DMD: variants seen among roughly 807,000 people sequenced by gnomAD.
The protein encoded by DMD is dystrophin.
In DMD, 63 loss-of-function variants were observed where a neutral mutation model predicts 330.1. The ratio of observed to expected loss-of-function variants is 0.19; its 90% CI spans 0.16 to 0.24. DMD has a LOEUF of 0.24. Ranked by LOEUF, DMD falls within the 10% of genes least tolerant of loss-of-function variation. The pLI is 1.00. For missense variants in DMD, 3,344 were observed against 2,684.1 expected (o/e 1.25, Z -5.43); for synonymous variants, 1,223 against 959.8 (o/e 1.27, Z -5.07).
intron 74 of DMD, among the ~76,000 whole-genome samples, chrX:31,156,584 C>G (rs1339517486): frequency 9.0e-6 from 1 of 111,512 alleles, no homozygotes. Flanking sequence ...GACTTAAGCA[C>G]TAATTCAGTT....
intron 43 of DMD, among the ~76,000 whole-genome samples, chrX:32,219,321 A>C (rs2097124434): frequency 8.9e-6 from 1 of 111,951 alleles, no homozygotes; most frequent in Non-Finnish European, 1.9e-5. Context: ...TTTAAAAATG[A>C]ATTGCACATT....
chrX:32,924,722 C>T (rs1160964862), intron 2 of DMD, among the ~76,000 whole-genome samples: 4 of 111,045 alleles, frequency 3.6e-5, no homozygotes, highest in African/African-American at 1.3e-4. Context: ...AAACAGTTTA[C>T]ATTACAAACT....
At chrX:33,024,093 T>C (rs1569550240) in intron 1 of DMD, among the ~76,000 whole-genome samples, 1 of 112,004 alleles carries the variant, frequency 8.9e-6, no homozygotes, top group Non-Finnish European at 1.9e-5. Flanking sequence ...TACATACACA[T>C]CACACATATA....
intron 30 of DMD, among the ~76,000 whole-genome samples, chrX:32,396,754 G>A (rs747695971): frequency 9.0e-6 from 1 of 111,084 alleles, no homozygotes; most frequent in East Asian, 2.8e-4. Flanking sequence ...ATTCTACTAT[G>A]GGTAAGCTGT....
At chrX:32,153,031 G>A (rs920037444) in intron 44 of DMD, among the ~76,000 whole-genome samples, 1 of 111,613 alleles carries the variant, frequency 9.0e-6, no homozygotes. Context: ...GAAAGTTAAC[G>A]TTCACTCTCA....
intron 1 of DMD, among the ~76,000 whole-genome samples, chrX:33,073,709 G>A (rs968193142): frequency 1.8e-5 from 2 of 110,067 alleles, no homozygotes; most frequent in Non-Finnish European, 3.8e-5. Context: ...GCGGGTGCCC[G>A]TAATCCTAGC....
chrX:32,470,033 A>G (rs764605044), intron 22 of DMD, among the ~76,000 whole-genome samples: 1 of 111,881 alleles, frequency 8.9e-6, no homozygotes, highest in Admixed American at 9.6e-5. Flanking sequence ...TTCCAGCAGT[A>G]AGAGACAATT....
intron 44 of DMD, among the ~76,000 whole-genome samples, chrX:32,083,386 T>G (rs892313928): frequency 1.8e-5 from 2 of 109,989 alleles, no homozygotes; most frequent in African/African-American, 6.7e-5. Flanking sequence ...GCCTCCCGAG[T>G]AGCTGGGACT....
intron 7 of DMD, among the ~76,000 whole-genome samples, chrX:32,808,156 A>G (rs940240164): frequency 9.0e-6 from 1 of 111,644 alleles, no homozygotes; most frequent in Admixed American, 9.5e-5. Context: ...TTTCTCCCTT[A>G]GAGCTAAAAA....
chrX:32,997,968 C>T (rs1243495644), intron 2 of DMD, among the ~76,000 whole-genome samples: 1 of 111,475 alleles, frequency 9.0e-6, no homozygotes, highest in Non-Finnish European at 1.9e-5. Flanking sequence ...TTCATTTTTC[C>T]TTATATATCT....
intron 7 of DMD, among the ~76,000 whole-genome samples, chrX:32,768,637 T>C (rs2073267052): frequency 8.9e-6 from 1 of 112,217 alleles, no homozygotes; most frequent in Non-Finnish European, 1.9e-5. Context: ...CTGACATTCC[T>C]TCATTTTAGA....
At chrX:31,794,835 G>A (rs575935782) in intron 50 of DMD, among the ~76,000 whole-genome samples, 123 of 110,847 alleles carry the variant, frequency 1.1e-3, no homozygotes, top group Middle Eastern at 4.7e-3. Flanking sequence ...ATATGATTGC[G>A]TCAAAGATCA....
At chrX:32,827,243 A>T (rs902658941) in intron 4 of DMD, among the ~76,000 whole-genome samples, 1 of 111,172 alleles carries the variant, frequency 9.0e-6, no homozygotes, top group Non-Finnish European at 1.9e-5. Context: ...AGCAAAAGAC[A>T]TAAGATATAT....
intron 16 of DMD, among the ~76,000 whole-genome samples, chrX:32,563,911 T>A (rs147292487): frequency 9.0e-6 from 1 of 111,634 alleles, no homozygotes. Context: ...GTTTGTTACA[T>A]AGGTAAATGT....
chrX:32,731,689 G>A, intron 7 of DMD, among the ~76,000 whole-genome samples: 1 of 111,861 alleles, frequency 8.9e-6, no homozygotes, highest in South Asian at 3.8e-4. Flanking sequence ...CAACAGACCT[G>A]CAGCTGAGGG....
chrX:33,158,215 A>T (rs1247177483), intron 1 of DMD, among the ~76,000 whole-genome samples: 2 of 111,858 alleles, frequency 1.8e-5, no homozygotes, highest in East Asian at 5.6e-4. Flanking sequence ...TCATATTTTA[A>T]GTGCTCTGTA....
At chrX:32,730,233 T>C (rs1000273969) in intron 7 of DMD, among the ~76,000 whole-genome samples, 2 of 112,317 alleles carry the variant, frequency 1.8e-5, no homozygotes, top group African/African-American at 6.5e-5. Flanking sequence ...GCAATTCTAG[T>C]TACTCAGGAG....
intron 1 of DMD, among the ~76,000 whole-genome samples, chrX:33,091,904 C>T (rs183166219): frequency 2.8e-4 from 31 of 111,946 alleles, no homozygotes; most frequent in Non-Finnish European, 5.1e-4. Flanking sequence ...ACAGTGAGAC[C>T]TTCCTGATCC....
chrX:32,922,734 G>T (rs887622659), intron 2 of DMD, among the ~76,000 whole-genome samples: 2 of 112,118 alleles, frequency 1.8e-5, no homozygotes, highest in African/African-American at 6.5e-5. Flanking sequence ...GGACCGATTG[G>T]TCTGGGGCCC....
Sources: gnomAD v4.1 joint callset for allele counts (sites outside exome capture counted in the v4.1 genomes callset) on GRCh38, gnomAD v4.1.1 for gene constraint, MANE v1.5 for transcripts, NCBI Gene and HGNC (gene_info 2026-07-23, HGNC 2026-07-21) for gene names.